Variants in PPP1R12A observed in about 807,000 individuals in gnomAD.
PPP1R12A encodes the protein myosin binding subunit.
A neutral mutation model predicts 139.6 loss-of-function variants in PPP1R12A; 19 were observed. That is an observed-to-expected ratio of 0.14 (90% CI 0.09 to 0.20). PPP1R12A has a LOEUF of 0.20. Among genes scored for constraint, PPP1R12A ranks in the 10% least tolerant of loss-of-function variants. The pLI is 1.00. For missense variants in PPP1R12A, 925 were observed against 1,211.5 expected (o/e 0.76, Z 3.51); for synonymous variants, 427 against 420.6 (o/e 1.02, Z -0.19).
At chr12:79,921,480 T>C (rs1439083470) in intron 1 of PPP1R12A, among the ~76,000 whole-genome samples, 4 of 152,214 alleles carry the variant, frequency 2.6e-5, no homozygotes, top group Non-Finnish European at 4.4e-5. Context: ...AAACATCTGC[T>C]GATAAGTTAC....
intron 2 of PPP1R12A, among the ~76,000 whole-genome samples, chr12:79,850,547 TGAAGA>T (rs1372171908): frequency 1.3e-5 from 2 of 152,196 alleles, no homozygotes; most frequent in Admixed American, 6.5e-5. Flanking sequence ...GAGAACTTAG[TGAAGA>T]GAGACAAAGA....
At chr12:79,887,757 C>G (rs1884238641) in intron 1 of PPP1R12A, among the ~76,000 whole-genome samples, 1 of 152,096 alleles carries the variant, frequency 6.6e-6, no homozygotes, top group South Asian at 2.1e-4. Flanking sequence ...AAAGCTTCTA[C>G]TTACTATTTA....
intron 1 of PPP1R12A, among the ~76,000 whole-genome samples, chr12:79,892,757 TC>T (rs34502973): frequency 0.072 from 10,965 of 152,134 alleles, 954 homozygotes; most frequent in African/African-American, 0.22. Context: ...AAAAAAATTA[TC>T]ATAGTATTTC....
chr12:79,879,846 T>C (rs1354638974), intron 1 of PPP1R12A, among the ~76,000 whole-genome samples: 1 of 151,878 alleles, frequency 6.6e-6, no homozygotes, highest in Non-Finnish European at 1.5e-5. Context: ...ACTTTACCAA[T>C]GTAAATTATA....
In PPP1R12A at chr12:79,808,586, C is replaced by A. The variant is rs931242465; in HGVS notation, c.1456-9G>T. On this transcript the variant is annotated splice_polypyrimidine_tract_variant and intron_variant, in intron 10 of 24. Transcript: ENST00000450142. ...CCTTTACTATCTTTCTCCTACACAA[C>A]AGGGAAAAAAATAAGTAAAAATTAA... The A allele has an allele frequency of 6.5e-7, 1 of 1,547,376 alleles. No individual in the cohort carries two copies. Among genetic ancestry groups the A allele is most frequent in the South Asian group, 1.2e-5 (1 of 85,976 alleles).
chr12:79,825,907 A>C (rs1876699855), intron 5 of PPP1R12A, among the ~76,000 whole-genome samples: 1 of 152,092 alleles, frequency 6.6e-6, no homozygotes. Flanking sequence ...AAATTTTAAA[A>C]ATCAAGGTCT....
At chr12:79,847,788 T>C (rs985138944) in intron 2 of PPP1R12A, among the ~76,000 whole-genome samples, 1 of 152,144 alleles carries the variant, frequency 6.6e-6, no homozygotes, top group Non-Finnish European at 1.5e-5. Context: ...TCTCTGATGA[T>C]TATGTAGGTG....
In PPP1R12A at chr12:79,898,321, C is replaced by T. The variant is rs190883861; in HGVS notation, c.238-25383G>A. ...AAAAGAAAAAATTAGCCAGGTGTGG[C>T]GGTGTGCACCTGTAGTCCCAGCTAC... On this transcript the variant is annotated intron_variant, in intron 1 of 24. Coordinates refer to ENST00000450142, the MANE Select transcript of PPP1R12A (RefSeq NM_002480.3). 3.7e-3 allele frequency among the ~76,000 whole-genome samples: 568 copies of T among 152,086 alleles called. 3 individuals are homozygous for T. The highest frequency in any genetic ancestry group is 0.032 in the Admixed American group (491 of 15,274).
chr12:79,831,179 CA>C (rs765642077), intron 4 of PPP1R12A, among the ~76,000 whole-genome samples: 199 of 151,720 alleles, frequency 1.3e-3, no homozygotes, highest in Non-Finnish European at 2.5e-3. Context: ...TGGCAACTCA[CA>C]AAAGTTTTGG....
chr12:79,841,839 T>C (rs1311776070), intron 3 of PPP1R12A, among the ~76,000 whole-genome samples: 5 of 152,198 alleles, frequency 3.3e-5, no homozygotes, highest in Non-Finnish European at 5.9e-5. Flanking sequence ...AAAACACTTG[T>C]CTAGAACATG....
chr12:79,911,728 A>G lies in PPP1R12A; in HGVS notation c.237+22967T>C, dbSNP rs1375529165. 3.9e-5 allele frequency among the ~76,000 whole-genome samples: 6 copies of G among 151,910 alleles called. No individual in the cohort carries two copies. The East Asian group carries it at 1.2e-3, about 29-fold the overall frequency. ...GCCTTTTAACATCTTGTAAAGCACCAGCTTTCGACTGAAAAGCCATCTGAG... is the reference window on the plus strand; with the variant it reads ...GCCTTTTAACATCTTGTAAAGCACCGGCTTTCGACTGAAAAGCCATCTGAG... On this transcript the variant is annotated intron_variant, in intron 1 of 24. Coordinates refer to ENST00000450142, the MANE Select transcript of PPP1R12A (RefSeq NM_002480.3).
rs370303309 is a variant in PPP1R12A, at chr12:79,820,893, G to T, written c.995C>A (p.Ser332Tyr). 1 of 1,613,282 alleles carries T rather than the reference G, an allele frequency of 6.2e-7. No homozygotes were observed. The highest frequency in any genetic ancestry group is 1.3e-5 in the African/African-American group (1 of 74,848). The change falls in exon 8 of 25, where the codon TCC (serine) becomes TAC (tyrosine). Residue 332 changes from serine to tyrosine, a missense_variant. Coordinates refer to ENST00000450142, the MANE Select transcript of PPP1R12A (RefSeq NM_002480.3). The part of the protein sequence containing the change: ...TLIIEPEKNA[S>Y]RIESLEQEKV... ...TTCTTGTTCCAGAGATTCAATACGGGATGCATTTTTCTCTGGTTCAATAAT... is the reference window on the plus strand; with the variant it reads ...TTCTTGTTCCAGAGATTCAATACGGTATGCATTTTTCTCTGGTTCAATAAT...
chr12:79,779,270 CA>C (rs778648322), intron 23 of PPP1R12A: 441 of 1,265,868 alleles, frequency 3.5e-4, no homozygotes, highest in Admixed American at 6.7e-4. Context: ...GGGTGTTATG[CA>C]AAAAGCAAGC....
At chr12:79,870,541 T>A (rs1276886020) in intron 2 of PPP1R12A, among the ~76,000 whole-genome samples, 2 of 152,214 alleles carry the variant, frequency 1.3e-5, no homozygotes, top group Non-Finnish European at 2.9e-5. Flanking sequence ...AAGAATCTTG[T>A]GGCAGAAAGA....
chr12:79,850,230 C>A (rs1480450290), intron 2 of PPP1R12A, among the ~76,000 whole-genome samples: 2 of 152,052 alleles, frequency 1.3e-5, no homozygotes, highest in African/African-American at 4.8e-5. Context: ...AGTAAGCTTC[C>A]AAATCAAGAC....
intron 1 of PPP1R12A, 64 bp downstream of exon 1, chr12:79,934,631 G>A (rs1888533221): frequency 7.1e-7 from 1 of 1,407,222 alleles, no homozygotes; most frequent in Non-Finnish European, 9.5e-7. Flanking sequence ...ACTGAGGGCA[G>A]GCCCGAGCAG....
At chr12:79,799,668 CT>C (rs1872869328) in intron 14 of PPP1R12A, among the ~76,000 whole-genome samples, 1 of 152,038 alleles carries the variant, frequency 6.6e-6, no homozygotes, top group African/African-American at 2.4e-5. Context: ...CCTATGTTTC[CT>C]CTTGTCACGG....
intron 1 of PPP1R12A, among the ~76,000 whole-genome samples, chr12:79,920,078 T>C (rs770412135): frequency 2.0e-5 from 3 of 152,248 alleles, no homozygotes; most frequent in Admixed American, 1.3e-4. Context: ...TCTTGCTTCA[T>C]ACACAGATTT....
rs184163068 is a variant in PPP1R12A, at chr12:79,791,670, G to A, written c.2650-1187C>T. Among the ~76,000 whole-genome samples the A allele has an allele frequency of 8.9e-4, 136 of 152,234 alleles. 1 individual carries two copies. Among genetic ancestry groups the A allele is most frequent in the African/African-American group, 2.8e-3 (118 of 41,542 alleles). ...TTTTAAGAATTGTGGTAAAAACCAC[G>A]TAATATAAAATTTACCATGTAAACC... On this transcript the variant is annotated intron_variant, in intron 19 of 24. Transcript: ENST00000450142.
Sources: allele counts gnomAD v4.1 joint callset (sites outside exome capture counted in the v4.1 genomes callset), GRCh38; gene constraint gnomAD v4.1.1; transcripts MANE v1.5; gene names NCBI Gene and HGNC (gene_info 2026-07-23, HGNC 2026-07-21).